RPS29: variants seen among roughly 807,000 people sequenced by gnomAD.
RPS29 encodes ribosomal protein S29.
For missense variants in RPS29, 60 were observed against 75.7 expected (o/e 0.79, Z 0.77); for synonymous variants, 37 against 26.9 (o/e 1.37, Z -1.16).
exon 3 of RPS29, chr14:49,571,510 C>G (rs1218459139): frequency 6.6e-6 from 1 of 152,034 alleles, no homozygotes; most frequent in Non-Finnish European, 1.5e-5. Context: ...ATGAGATGAC[C>G]CAAGATGGAG....
upstream of RPS29, among the ~76,000 whole-genome samples, chr14:49,589,942 A>T (rs541140349): frequency 6.6e-6 from 1 of 152,358 alleles, no homozygotes; most frequent in East Asian, 1.9e-4. Flanking sequence ...ACACAGGAAC[A>T]GAAAACCAAA....
chr14:49,579,314 G>T (rs537647257), downstream of RPS29, among the ~76,000 whole-genome samples: 1 of 152,302 alleles, frequency 6.6e-6, no homozygotes, highest in East Asian at 1.9e-4. Context: ...CTAGCCTCCA[G>T]AACTGTGAGA....
Position 49,586,316 on chromosome 14 carries a change from G to A in RPS29, c.31C>T (p.Pro11Ser). The A allele has an allele frequency of 3.7e-6, 6 of 1,613,950 alleles. No homozygotes were observed. Among genetic ancestry groups the A allele is most frequent in the Non-Finnish European group, 5.1e-6 (6 of 1,179,852 alleles). MGHQQLYWSHPRKFGQGSRSC... is the reference protein window; with the variant it reads MGHQQLYWSHSRKFGQGSRSC... ...CGAGAACCCTGGCCGAATTTTCGCG[G>A]GTGGCTCCAGTACAGCTGCTGGTGA... is the stretch of plus-strand genomic sequence containing the variant. Residue 11 changes from proline (P) to serine (S), a missense_variant, in exon 1 of 3, where the codon CCG (proline) becomes TCG (serine). By Grantham distance (74) the Pro-to-Ser change is moderately conservative. Transcript: ENST00000245458.
chr14:49,578,725 T>A (rs1881256548), downstream of RPS29, among the ~76,000 whole-genome samples: 1 of 151,826 alleles, frequency 6.6e-6, no homozygotes, highest in Non-Finnish European at 1.5e-5. Flanking sequence ...CATGCTCAAC[T>A]AATTTTTGTA....
upstream of RPS29, among the ~76,000 whole-genome samples, chr14:49,590,838 G>A (rs1881695022): frequency 6.6e-6 from 1 of 151,984 alleles, no homozygotes; most frequent in South Asian, 2.1e-4. Flanking sequence ...TCACAGGCGT[G>A]TGCCACCACT....
upstream of RPS29, chr14:49,586,571 T>G (rs372259084): frequency 1.8e-5 from 10 of 558,038 alleles, no homozygotes; most frequent in Middle Eastern, 1.6e-3. Flanking sequence ...TCTGCGCCGG[T>G]ATCCGACCGC....
chr14:49,593,692 CAAAAA>C lies in RPS29; in HGVS notation c.-133+4703_-133+4707del, dbSNP rs10647593. 6.1e-3 allele frequency among the ~76,000 whole-genome samples: 344 copies of C among 56,294 alleles called. 1 individual carries two copies. In the Middle Eastern group the frequency reaches 0.077, roughly 13 times the overall value. 36.9% of individuals were successfully genotyped at this position (56,294 alleles called of 152,430 possible). On this transcript the variant is annotated intron_variant, in intron 1 of 3. Coordinates refer to the RPS29 transcript ENST00000556230. ...TGGGCGACAGAGCAAGACTCTGTCT[CAAAAA>C]AAAAAAAAAAAAAAAAAAAGACGTT...
chr14:49,584,409 C>A (rs886741181), intron 2 of RPS29, among the ~76,000 whole-genome samples: 4 of 152,244 alleles, frequency 2.6e-5, no homozygotes, highest in African/African-American at 9.6e-5. Flanking sequence ...TTGCTCAGGG[C>A]TGCCAAGCCT....
intron 1 of RPS29, 54 bp from the exon 2 acceptor site, chr14:49,586,103 A>G (rs1005361086): frequency 6.6e-7 from 1 of 1,515,296 alleles, no homozygotes. Context: ...AAGACTCCGC[A>G]CTCAGACGGC....
At chr14:49,584,086 A>G (rs1309300984) in intron 2 of RPS29, among the ~76,000 whole-genome samples, 1 of 152,156 alleles carries the variant, frequency 6.6e-6, no homozygotes, top group East Asian at 1.9e-4. Flanking sequence ...GGTTCAAGCG[A>G]TTCTCCCACC....
chr14:49,577,685 T>C (rs956391173), exon 3 of RPS29: 60 of 793,188 alleles, frequency 7.6e-5, no homozygotes, highest in African/African-American at 7.5e-4. Context: ...AATACCTCTG[T>C]GTTTCCACCA....
chr14:49,582,551 A>C (rs527670750), downstream of RPS29, among the ~76,000 whole-genome samples: 4 of 152,266 alleles, frequency 2.6e-5, no homozygotes, highest in South Asian at 8.3e-4. Context: ...CTGCTCTATC[A>C]GCATATAAAT....
upstream of RPS29, chr14:49,586,813 A>G (rs574355274): frequency 1.1e-5 from 2 of 188,526 alleles, no homozygotes; most frequent in African/African-American, 2.3e-5. Flanking sequence ...GCTGATCAGT[A>G]GTGGGATCGC....
chr14:49,596,451 C>A (rs562836227), intron 1 of RPS29, among the ~76,000 whole-genome samples: 115 of 152,164 alleles, frequency 7.6e-4, no homozygotes, highest in Middle Eastern at 3.4e-3. Flanking sequence ...GCTCCACAAT[C>A]GATCCACTAA....
At chr14:49,578,402 T>C (rs1881243743) in intron 2 of RPS29, among the ~76,000 whole-genome samples, 1 of 152,136 alleles carries the variant, frequency 6.6e-6, no homozygotes, top group Non-Finnish European at 1.5e-5. Flanking sequence ...CAAAGTCAAA[T>C]GCTGCTAACA....
At chr14:49,593,254 C>A (rs1221920864) in intron 1 of RPS29, among the ~76,000 whole-genome samples, 1 of 152,154 alleles carries the variant, frequency 6.6e-6, no homozygotes, top group Non-Finnish European at 1.5e-5. Context: ...CTGCATATAA[C>A]CACTATGCTA....
At chr14:49,583,540 G>C, downstream of RPS29, 1 of 936,378 alleles carries the variant, frequency 1.1e-6, no homozygotes, top group Non-Finnish European at 1.6e-6. Context: ...TAAACAATTA[G>C]CTATTCCAGT....
intron 2 of RPS29, among the ~76,000 whole-genome samples, chr14:49,583,924 A>G (rs555665756): frequency 6.6e-6 from 1 of 152,370 alleles, no homozygotes; most frequent in African/African-American, 2.4e-5. Context: ...CCAAAACACT[A>G]GTAAATGATC....
chr14:49,575,341 C>A, exon 3 of RPS29: 1 of 152,354 alleles, frequency 6.6e-6, no homozygotes, highest in Non-Finnish European at 1.5e-5. Context: ...CTGTGCCTGG[C>A]ATCAGGGATC....
Sources: allele counts gnomAD v4.1 joint callset (sites outside exome capture counted in the v4.1 genomes callset), GRCh38; gene constraint gnomAD v4.1.1; transcripts MANE v1.5; gene names NCBI Gene and HGNC (gene_info 2026-07-23, HGNC 2026-07-21).